Variants in CNIH3 observed in about 807,000 individuals in gnomAD.
The protein encoded by CNIH3 is cornichon family AMPA receptor auxiliary protein 3.
Under a neutral mutation model 24.1 loss-of-function variants are expected in CNIH3, and 14 were observed. That is an observed-to-expected ratio of 0.58 (90% confidence interval 0.38 to 0.91). The LOEUF is 0.91. Among genes scored for constraint, CNIH3 ranks in the 40% least tolerant of loss-of-function variants. The probability of loss-of-function intolerance (pLI) is 0.00; values close to 1 mark genes in which losing one functional copy is unlikely to be tolerated. For synonymous variants in CNIH3, 68 were observed against 73.8 expected (o/e 0.92, Z 0.40); for missense variants, 178 against 196.8 (o/e 0.90, Z 0.57).
intron 3 of CNIH3, among the ~76,000 whole-genome samples, chr1:224,687,635 G>A (rs937577332): frequency 6.6e-6 from 1 of 152,104 alleles, no homozygotes; most frequent in African/African-American, 2.4e-5. Context: ...TGTGTGCCCT[G>A]GATACCTGAG....
chr1:224,673,344 A>T (rs1387878750), intron 1 of CNIH3, among the ~76,000 whole-genome samples: 1 of 152,182 alleles, frequency 6.6e-6, no homozygotes, highest in Non-Finnish European at 1.5e-5. Flanking sequence ...AATCCCGCAC[A>T]GTTGGGATCC....
intron 5 of CNIH3, among the ~76,000 whole-genome samples, chr1:224,584,162 C>CT (rs1681394945): frequency 1.3e-5 from 2 of 152,152 alleles, no homozygotes; most frequent in Non-Finnish European, 2.9e-5. Flanking sequence ...GTTTTAAAAG[C>CT]TATTTTATTA....
At chr1:224,571,897 G>A (rs1384226812) in intron 4 of CNIH3, among the ~76,000 whole-genome samples, 1 of 152,176 alleles carries the variant, frequency 6.6e-6, no homozygotes, top group African/African-American at 2.4e-5. Flanking sequence ...TTTTCCACAG[G>A]GAGTTCTAAC....
downstream of CNIH3, among the ~76,000 whole-genome samples, chr1:224,542,148 A>G (rs1333403612): frequency 6.6e-6 from 1 of 152,222 alleles, no homozygotes; most frequent in Admixed American, 6.5e-5. Context: ...TATTGTTTGA[A>G]AATGCCACAA....
chr1:224,618,006 A>G (rs1338782797), intron 1 of CNIH3, among the ~76,000 whole-genome samples: 1 of 152,152 alleles, frequency 6.6e-6, no homozygotes, highest in Non-Finnish European at 1.5e-5. Context: ...AGCCCACACA[A>G]GCTTCCTGTC....
rs541701085 is a variant in CNIH3 at position 224,597,178 on chromosome 1, A to C, written n.402+30914A>C. On this transcript the variant is annotated intron_variant and non_coding_transcript_variant, in intron 3 of 7. Transcript: ENST00000478120. ...AAAAACAAACAAACAAACAAACAAAAAAAAAAACAAAAACCAAACCAAACA... is the reference window on the plus strand; with the variant it reads ...AAAAACAAACAAACAAACAAACAAACAAAAAAACAAAAACCAAACCAAACA... 3.1e-3 allele frequency among the ~76,000 whole-genome samples: 441 copies of C among 143,404 alleles called. 1 individual carries two copies. Among genetic ancestry groups the C allele is most frequent in the East Asian group, 4.5e-3 (21 of 4,672 alleles). The allele number at this position is 143,404 out of a possible 152,430, so 94.1% of individuals were successfully genotyped here.
chr1:224,434,883 C>T (rs2102932969), intron 1 of CNIH3: 1 of 985,600 alleles, frequency 1.0e-6, no homozygotes, highest in Admixed American at 6.1e-5. Context: ...TATAGGGGGC[C>T]TGTCACCCAG....
intron 1 of CNIH3, among the ~76,000 whole-genome samples, chr1:224,505,223 C>A (rs577063263): frequency 4.6e-5 from 7 of 151,370 alleles, no homozygotes; most frequent in African/African-American, 7.3e-5. Flanking sequence ...TGTTTGAGCC[C>A]GGGAAGTCAA....
intron 1 of CNIH3, among the ~76,000 whole-genome samples, chr1:224,627,259 C>T (rs1480848244): frequency 6.6e-6 from 1 of 151,960 alleles, no homozygotes. Flanking sequence ...CGAGGTCTGG[C>T]TCTGTCACCC....
At chr1:224,696,880 C>T (rs960372428) in intron 3 of CNIH3, among the ~76,000 whole-genome samples, 1 of 152,118 alleles carries the variant, frequency 6.6e-6, no homozygotes, top group East Asian at 1.9e-4. Context: ...CTGAGAGTCC[C>T]TCAAAGCGCT....
chr1:224,439,098 C>T (rs1363074511), intron 1 of CNIH3, among the ~76,000 whole-genome samples: 1 of 152,148 alleles, frequency 6.6e-6, no homozygotes, highest in East Asian at 1.9e-4. Flanking sequence ...TTCATATTGG[C>T]CTTCCATGAG....
At chr1:224,468,146 CTTTTTCAAAATTGTCGTAACTA>C (rs1347987721) in intron 1 of CNIH3, among the ~76,000 whole-genome samples, 1 of 152,002 alleles carries the variant, frequency 6.6e-6, no homozygotes, top group Admixed American at 6.5e-5. Flanking sequence ...CAACATTCTT[CTTTTTCAAAATTGTCGTAACTA>C]TTTTAGGTCC....
At chr1:224,525,602 G>A (rs111455350) in intron 2 of CNIH3, among the ~76,000 whole-genome samples, 1 of 152,302 alleles carries the variant, frequency 6.6e-6, no homozygotes, top group Non-Finnish European at 1.5e-5. Context: ...TTCTACCCAG[G>A]AAATGGGGGG....
chr1:224,547,476 A>G (rs1293786870), intron 3 of CNIH3, among the ~76,000 whole-genome samples: 1 of 152,104 alleles, frequency 6.6e-6, no homozygotes, highest in Non-Finnish European at 1.5e-5. Flanking sequence ...TAAGGGAACT[A>G]TTATTCTTAA....
chr1:224,533,568 C>T (rs1262378266), intron 2 of CNIH3, among the ~76,000 whole-genome samples: 1 of 152,084 alleles, frequency 6.6e-6, no homozygotes, highest in East Asian at 1.9e-4. Context: ...GTTAGCAGGG[C>T]CATGTTCTCT....
At chr1:224,673,530 T>C (rs953421245) in intron 1 of CNIH3, among the ~76,000 whole-genome samples, 1 of 152,246 alleles carries the variant, frequency 6.6e-6, no homozygotes, top group Non-Finnish European at 1.5e-5. Context: ...GTCTGGCTCC[T>C]GGACATTCAG....
Position 224,651,904 on chromosome 1 carries a change from C to T in CNIH3, c.82-29054C>T, listed in dbSNP as rs115156014. Among the ~76,000 whole-genome samples the T allele has an allele frequency of 2.5e-3, 383 of 152,230 alleles. 3 individuals are homozygous for T. Among genetic ancestry groups the T allele is most frequent in the African/African-American group, 8.8e-3 (366 of 41,524 alleles). ...ATAATAGATATTATTAGATTGCTTT[C>T]CAAAGGCTTTATCAGTTCACATTTT... is the stretch of plus-strand genomic sequence containing the variant. On this transcript the variant is annotated intron_variant, in intron 1 of 5. Transcript: ENST00000272133.
intron 1 of CNIH3, among the ~76,000 whole-genome samples, chr1:224,465,235 A>G (rs1360170187): frequency 6.6e-6 from 1 of 151,640 alleles, no homozygotes; most frequent in East Asian, 1.9e-4. Flanking sequence ...TCAGCCTCCC[A>G]GGTAGCTGGG....
chr1:224,621,076 A>G (rs1572602516), intron 1 of CNIH3, among the ~76,000 whole-genome samples: 1 of 152,334 alleles, frequency 6.6e-6, no homozygotes, highest in East Asian at 1.9e-4. Flanking sequence ...TAGCTTTTGA[A>G]GTTTTTATAT....
Sources: allele counts gnomAD v4.1 joint callset (sites outside exome capture counted in the v4.1 genomes callset), GRCh38; gene constraint gnomAD v4.1.1; transcripts MANE v1.5; gene names NCBI Gene and HGNC (gene_info 2026-07-23, HGNC 2026-07-21).